DHRS12: variants seen among roughly 807,000 people sequenced by gnomAD.
DHRS12 encodes the protein dehydrogenase/reductase 12, also known as dehydrogenase/reductase SDR family member 12.
DHRS12 carries 29 observed loss-of-function variants against 32.1 expected under a neutral mutation model. That is an observed-to-expected ratio of 0.90 (90% CI 0.67 to 1.23). The LOEUF (loss-of-function observed/expected upper bound fraction) is 1.23, where lower values mean the gene tolerates loss of function less well. Among genes scored for constraint, DHRS12 ranks in the 50% most tolerant of loss-of-function variants. The pLI, the probability that DHRS12 is intolerant of heterozygous loss-of-function variation, is 0.00. For synonymous variants in DHRS12, 150 were observed against 135.9 expected, an observed-to-expected ratio of 1.10 and a Z score of -0.72; for missense variants, 330 against 337.2, an observed-to-expected ratio of 0.98 and a Z score of 0.17.
At chr13:51,767,386 C>T (rs988095642), downstream of DHRS12, 4 of 152,246 alleles carry the variant, frequency 2.6e-5, no homozygotes, top group African/African-American at 9.6e-5. Context: ...AGAAAAATCC[C>T]TTCCTTGTGG....
intron 8 of DHRS12, chr13:51,768,630 C>T: frequency 8.7e-7 from 1 of 1,155,536 alleles, no homozygotes; most frequent in Non-Finnish European, 1.1e-6. Flanking sequence ...TCATCAAGAA[C>T]AGAGGAAAGA....
chr13:51,790,662 A>G (rs1955224782), intron 3 of DHRS12, among the ~76,000 whole-genome samples: 1 of 152,164 alleles, frequency 6.6e-6, no homozygotes, highest in African/African-American at 2.4e-5. Context: ...AACGTTTCAG[A>G]GCACATCAGA....
At chr13:51,786,080 C>A (rs533731548) in intron 4 of DHRS12, among the ~76,000 whole-genome samples, 4 of 152,160 alleles carry the variant, frequency 2.6e-5, no homozygotes, top group Non-Finnish European at 5.9e-5. Flanking sequence ...GGGATGTGCC[C>A]GAGGAGGGTG....
intron 1 of DHRS12, among the ~76,000 whole-genome samples, chr13:51,800,627 T>C (rs1218825484): frequency 6.6e-6 from 1 of 152,222 alleles, no homozygotes; most frequent in Non-Finnish European, 1.5e-5. Context: ...CCACAGGACC[T>C]GTTTACAAAA....
At chr13:51,797,185 A>G (rs544184780) in intron 2 of DHRS12, among the ~76,000 whole-genome samples, 1 of 152,326 alleles carries the variant, frequency 6.6e-6, no homozygotes, top group Admixed American at 6.5e-5. Context: ...TCATGGGAAT[A>G]TGATCTATAC....
At chr13:51,794,021 G>C (rs779586632) in intron 2 of DHRS12, among the ~76,000 whole-genome samples, 1 of 152,206 alleles carries the variant, frequency 6.6e-6, no homozygotes, top group Non-Finnish European at 1.5e-5. Context: ...ACCAAGAAAA[G>C]AGGAAGGAAA....
chr13:51,787,795 A>T (rs1428926692), intron 4 of DHRS12, among the ~76,000 whole-genome samples: 3 of 15,882 alleles, frequency 1.9e-4, no homozygotes, highest in Admixed American at 2.7e-3. Context: ...ATAATATATT[A>T]ATATATATTT....
At chr13:51,772,345 G>A (rs936632965) in intron 6 of DHRS12, among the ~76,000 whole-genome samples, 2 of 152,102 alleles carry the variant, frequency 1.3e-5, no homozygotes, top group African/African-American at 2.4e-5. Flanking sequence ...AGCTAATATG[G>A]GAATTAAGGC....
At chr13:51,756,259 G>T in the DHRS12 span, 4 of 1,545,344 alleles carry the variant, frequency 2.6e-6, no homozygotes, top group South Asian at 3.8e-5. Context: ...CTCTCTGCCA[G>T]GAGGGGTGAG....
the DHRS12 span, chr13:51,760,751 C>T: frequency 6.6e-6 from 1 of 152,242 alleles, no homozygotes; most frequent in East Asian, 1.9e-4. Context: ...ATAAGGAGCA[C>T]GCAACCTAAA....
chr13:51,769,345 G>T, intron 7 of DHRS12, 52 bp from the exon 8 acceptor site: 4 of 1,327,550 alleles, frequency 3.0e-6, no homozygotes, highest in Admixed American at 3.2e-5. Flanking sequence ...CAGCAAATGT[G>T]GTTGACTTCC....
At chr13:51,756,330 A>G in the DHRS12 span, 11 of 1,613,028 alleles carry the variant, frequency 6.8e-6, no homozygotes, top group East Asian at 2.2e-5. Flanking sequence ...TCCCTCCTCC[A>G]GCACCACTGC....
intron 4 of DHRS12, chr13:51,777,448 A>G (rs531676443): frequency 2.9e-5 from 9 of 312,834 alleles, no homozygotes; most frequent in Admixed American, 1.8e-4. Context: ...CAGTCTGTGC[A>G]CAGAAAAATG....
intron 5 of DHRS12, 157 bp from the exon 6 acceptor site, chr13:51,774,191 T>A: frequency 1.6e-6 from 1 of 617,838 alleles, no homozygotes. Context: ...TCTCCTACAG[T>A]ACATGTATTC....
intron 1 of DHRS12, among the ~76,000 whole-genome samples, chr13:51,803,180 C>T (rs1309523603): frequency 6.6e-6 from 1 of 152,170 alleles, no homozygotes; most frequent in African/African-American, 2.4e-5. Context: ...CAACTCCTAC[C>T]TCCCCTAGGA....
chr13:51,781,545 G>A (rs546047752), intron 4 of DHRS12, among the ~76,000 whole-genome samples: 29 of 152,314 alleles, frequency 1.9e-4, no homozygotes, highest in African/African-American at 7.0e-4. Flanking sequence ...GCACATGGGG[G>A]TGGGACGGCG....
chr13:51,763,249 T>G (rs1953645322), downstream of DHRS12: 1 of 152,232 alleles, frequency 6.6e-6, no homozygotes, highest in African/African-American at 2.4e-5. Flanking sequence ...GGGCGCTCTC[T>G]GGAACCAGCT....
intron 8 of DHRS12, chr13:51,768,576 CAGG>C: frequency 1.6e-6 from 2 of 1,279,128 alleles, no homozygotes; most frequent in South Asian, 2.0e-5. Flanking sequence ...CCGGATACCC[CAGG>C]GGTCACCAGC....
the DHRS12 span, chr13:51,761,907 C>G: frequency 6.6e-6 from 1 of 152,270 alleles, no homozygotes; most frequent in Non-Finnish European, 1.5e-5. Context: ...CACTTGTCGC[C>G]TCGCTGCCCT....
Sources: allele counts gnomAD v4.1 joint callset (sites outside exome capture counted in the v4.1 genomes callset), GRCh38; gene constraint gnomAD v4.1.1; transcripts MANE v1.5; gene names NCBI Gene and HGNC (gene_info 2026-07-23, HGNC 2026-07-21).